UQCC1: variants seen among roughly 807,000 people sequenced by gnomAD.
UQCC1 encodes bFGF-repressed Zic-binding protein.
A neutral mutation model predicts 48.0 loss-of-function variants in UQCC1; 38 were observed. That is an observed-to-expected ratio of 0.79 (90% confidence interval 0.61 to 1.04). The LOEUF is 1.04. Among genes scored for constraint, UQCC1 ranks in the 50% least tolerant of loss-of-function variants. The probability of loss-of-function intolerance (pLI) is 0.00; values close to 1 mark genes in which losing one functional copy is unlikely to be tolerated. For synonymous variants in UQCC1, 111 were observed against 129.2 expected (o/e 0.86, Z 0.95); for missense variants, 368 against 381.8 (o/e 0.96, Z 0.30).
intron 9 of UQCC1, among the ~76,000 whole-genome samples, chr20:35,305,686 C>G (rs2060920695): frequency 6.6e-6 from 1 of 152,222 alleles, no homozygotes; most frequent in African/African-American, 2.4e-5. Flanking sequence ...GTTTTTCCAG[C>G]AGTTAACAAG....
chr20:35,408,274 T>C (rs8123758), intron 1 of UQCC1, among the ~76,000 whole-genome samples: 1 of 150,062 alleles, frequency 6.7e-6, no homozygotes, highest in African/African-American at 2.5e-5. Context: ...ACTAAAAATT[T>C]AAAAACTAGC....
chr20:35,348,739 A>G (rs1471617710), intron 6 of UQCC1, among the ~76,000 whole-genome samples: 1 of 151,996 alleles, frequency 6.6e-6, no homozygotes, highest in Non-Finnish European at 1.5e-5. Context: ...CTGTAGCCTC[A>G]ACCTCCCGGG....
At chr20:35,307,943 G>A (rs556715078) in intron 8 of UQCC1, among the ~76,000 whole-genome samples, 1 of 152,306 alleles carries the variant, frequency 6.6e-6, no homozygotes, top group African/African-American at 2.4e-5. Context: ...AGCCATTCCT[G>A]AGCCTCAGTT....
intron 7 of UQCC1, among the ~76,000 whole-genome samples, chr20:35,333,411 C>T (rs1293991509): frequency 6.6e-6 from 1 of 152,168 alleles, no homozygotes; most frequent in African/African-American, 2.4e-5. Flanking sequence ...ATAATGAATA[C>T]TTACATCAAA....
At chr20:35,399,715 G>T (rs1009662538) in intron 1 of UQCC1, among the ~76,000 whole-genome samples, 5 of 151,672 alleles carry the variant, frequency 3.3e-5, no homozygotes, top group African/African-American at 9.7e-5. Flanking sequence ...AAATTAGCCG[G>T]GCGTGGTGGC....
intron 1 of UQCC1, among the ~76,000 whole-genome samples, chr20:35,404,576 T>G (rs900772108): frequency 3.3e-5 from 5 of 151,442 alleles, no homozygotes; most frequent in African/African-American, 1.2e-4. Flanking sequence ...AAATGATGAG[T>G]TAATGGGTGC....
At chr20:35,341,228 AAAAAAAAAAAG>A (rs1302004255) in intron 7 of UQCC1, among the ~76,000 whole-genome samples, 101 of 151,448 alleles carry the variant, frequency 6.7e-4, no homozygotes, top group African/African-American at 2.3e-3. Context: ...CAAAAAAAAA[AAAAAAAAAAAG>A]AAAGAAAGAA....
chr20:35,376,557 T>C (rs941303072), intron 4 of UQCC1, among the ~76,000 whole-genome samples: 5 of 151,260 alleles, frequency 3.3e-5, no homozygotes, highest in Non-Finnish European at 7.4e-5. Flanking sequence ...ATAAATAACA[T>C]GAACAGTCTT....
Position 35,395,262 on chromosome 20 carries a change from T to C in UQCC1, c.25-1066A>G, listed in dbSNP as rs564445423. Reference sequence around the variant, plus strand: ...GGAGAAGCTACAAGTTCCAACCTTCTACACACATATTTGTTCCTCTAGCAA... The same window carrying C: ...GGAGAAGCTACAAGTTCCAACCTTCCACACACATATTTGTTCCTCTAGCAA... On this transcript the variant is annotated intron_variant, in intron 1 of 9. Coordinates refer to ENST00000374385, the MANE Select transcript of UQCC1 (RefSeq NM_018244.5). Among the ~76,000 whole-genome samples the C allele has an allele frequency of 7.2e-5, 11 of 152,242 alleles. No homozygotes were observed. The South Asian group carries it at 1.9e-3, about 26-fold the overall frequency.
intron 6 of UQCC1, among the ~76,000 whole-genome samples, chr20:35,351,047 C>CA (rs1449687875): frequency 2.7e-5 from 4 of 148,892 alleles, no homozygotes; most frequent in Admixed American, 2.0e-4. Context: ...TGTCTCAAAA[C>CA]AAAAAAACAA....
chr20:35,402,361 G>C (rs1049166558), intron 1 of UQCC1, among the ~76,000 whole-genome samples: 1 of 151,788 alleles, frequency 6.6e-6, no homozygotes, highest in Non-Finnish European at 1.5e-5. Flanking sequence ...GGCAGATCAC[G>C]AGGTCAGGAG....
At chr20:35,360,591 A>AT (rs1321493405) in intron 6 of UQCC1, among the ~76,000 whole-genome samples, 1 of 152,302 alleles carries the variant, frequency 6.6e-6, no homozygotes, top group Non-Finnish European at 1.5e-5. Flanking sequence ...GTAGTTTACA[A>AT]TAACTTCTTT....
intron 4 of UQCC1, among the ~76,000 whole-genome samples, chr20:35,377,073 G>A (rs1317842054): frequency 1.3e-5 from 2 of 151,856 alleles, no homozygotes; most frequent in Admixed American, 6.6e-5. Flanking sequence ...ATTCAATAAG[G>A]CCAACCTTAT....
intron 2 of UQCC1, among the ~76,000 whole-genome samples, chr20:35,389,771 C>T (rs149551228): frequency 5.9e-5 from 9 of 152,320 alleles, no homozygotes; most frequent in African/African-American, 2.2e-4. Flanking sequence ...ATAATGATCA[C>T]TGCAGTGAAG....
At chr20:35,367,824 C>T (rs761045485) in intron 5 of UQCC1, among the ~76,000 whole-genome samples, 7 of 152,082 alleles carry the variant, frequency 4.6e-5, no homozygotes, top group Non-Finnish European at 8.8e-5. Flanking sequence ...GGAGCTGCAG[C>T]TGAATAAGAA....
At chr20:35,314,634 A>G (rs1326574503) in intron 8 of UQCC1, 54 bp downstream of exon 8, 2 of 1,498,568 alleles carry the variant, frequency 1.3e-6, no homozygotes, top group Non-Finnish European at 1.8e-6. Flanking sequence ...TCTCATCAAA[A>G]GCCTTTGCTG....
At chr20:35,407,005 C>T (rs1230444394) in intron 1 of UQCC1, among the ~76,000 whole-genome samples, 4 of 152,274 alleles carry the variant, frequency 2.6e-5, no homozygotes, top group South Asian at 4.1e-4. Context: ...AACATGTACA[C>T]AAATTAGCTC....
intron 7 of UQCC1, among the ~76,000 whole-genome samples, chr20:35,325,757 T>C (rs2061185916): frequency 6.6e-6 from 1 of 151,898 alleles, no homozygotes; most frequent in South Asian, 2.1e-4. Flanking sequence ...ACAGTGGGTA[T>C]TAAAGGGTCA....
chr20:35,337,293 A>T (rs2061325828), intron 7 of UQCC1, among the ~76,000 whole-genome samples: 1 of 151,786 alleles, frequency 6.6e-6, no homozygotes, highest in African/African-American at 2.4e-5. Context: ...GGTTCAAGTG[A>T]TTCTCCTGCC....
Sources: allele counts gnomAD v4.1 joint callset (sites outside exome capture counted in the v4.1 genomes callset), GRCh38; gene constraint gnomAD v4.1.1; transcripts MANE v1.5; gene names NCBI Gene and HGNC (gene_info 2026-07-23, HGNC 2026-07-21).